NDUFA10: variants seen among roughly 807,000 people sequenced by gnomAD.
NDUFA10 encodes NADH:ubiquinone oxidoreductase subunit A10, also known as NADH dehydrogenase [ubiquinone] 1 alpha subcomplex subunit 10, mitochondrial.
In NDUFA10, 40 loss-of-function variants were observed where a neutral mutation model predicts 47.8. The observed-to-expected ratio is 0.84, with a 90% CI of 0.65 to 1.09. NDUFA10 has a LOEUF of 1.09. NDUFA10 is among the 50% of genes least tolerant of loss of function. The pLI, the probability that NDUFA10 is intolerant of heterozygous loss-of-function variation, is 0.00. For synonymous variants in NDUFA10, 183 were observed against 172.2 expected, an observed-to-expected ratio of 1.06 and a Z score of -0.49; for missense variants, 413 against 451.1, an observed-to-expected ratio of 0.92 and a Z score of 0.76.
At chr2:239,977,996 GAAAC>G (rs951782594) in intron 9 of NDUFA10, among the ~76,000 whole-genome samples, 4 of 152,102 alleles carry the variant, frequency 2.6e-5, no homozygotes, top group African/African-American at 7.2e-5. Context: ...GGGGTCCTAT[GAAAC>G]AAACAGTGAT....
At chr2:239,939,809 C>T (rs960475478) in intron 4 of NDUFA10, among the ~76,000 whole-genome samples, 2 of 152,242 alleles carry the variant, frequency 1.3e-5, no homozygotes, top group South Asian at 2.1e-4. Context: ...GCCCTGGGGA[C>T]GGTCAGAACG....
intron 9 of NDUFA10, chr2:239,969,443 T>TG (rs11275243): frequency 1.2e-5 from 4 of 330,912 alleles, no homozygotes; most frequent in Admixed American, 3.9e-5. Context: ...CTCCTGACCC[T>TG]CAGGATCTGC....
At chr2:239,900,397 T>C (rs1044664073) in intron 4 of NDUFA10, among the ~76,000 whole-genome samples, 2 of 142,252 alleles carry the variant, frequency 1.4e-5, no homozygotes, top group Non-Finnish European at 3.1e-5. Flanking sequence ...GAACCTTGAC[T>C]AATACAGGCC....
chr2:239,966,848 CTT>C (rs71045922), intron 9 of NDUFA10, among the ~76,000 whole-genome samples: 1,196 of 113,792 alleles, frequency 0.011, 14 homozygotes, highest in African/African-American at 0.038. Context: ...GCAAGGATTT[CTT>C]TTTTTTTTTT....
intron 8 of NDUFA10, among the ~76,000 whole-genome samples, chr2:240,000,550 T>A (rs1373296328): frequency 2.0e-5 from 3 of 152,214 alleles, no homozygotes; most frequent in Non-Finnish European, 2.9e-5. Flanking sequence ...AAACTTTTTA[T>A]ATAAATTTAG....
intron 4 of NDUFA10, among the ~76,000 whole-genome samples, chr2:239,917,271 G>T (rs778349035): frequency 6.6e-6 from 1 of 152,168 alleles, no homozygotes; most frequent in Non-Finnish European, 1.5e-5. Flanking sequence ...AGCAGGCAAG[G>T]CCCACACCCA....
intron 8 of NDUFA10, among the ~76,000 whole-genome samples, chr2:239,995,627 T>C (rs1321726405): frequency 6.6e-6 from 1 of 152,140 alleles, no homozygotes; most frequent in African/African-American, 2.4e-5. Flanking sequence ...ACTTCTAACA[T>C]GAATGGTCCA....
At chr2:240,001,258 TTAAAAAG>T (rs1266492771) in intron 8 of NDUFA10, among the ~76,000 whole-genome samples, 4 of 152,256 alleles carry the variant, frequency 2.6e-5, no homozygotes, top group African/African-American at 9.6e-5. Flanking sequence ...AAAATACTAC[TTAAAAAG>T]TAAAAGAAAA....
At chr2:239,967,549 C>G (rs973637039) in intron 9 of NDUFA10, among the ~76,000 whole-genome samples, 9 of 152,198 alleles carry the variant, frequency 5.9e-5, no homozygotes, top group South Asian at 2.1e-4. Context: ...AACAACAAGA[C>G]AGTAAAGCTG....
At chr2:240,020,256 G>A (rs368852920) in intron 3 of NDUFA10, among the ~76,000 whole-genome samples, 135 of 152,284 alleles carry the variant, frequency 8.9e-4, no homozygotes, top group East Asian at 8.3e-3. Flanking sequence ...GAGCTTGTGC[G>A]TGAGAAGCTC....
In NDUFA10 at chr2:239,961,014, A is replaced by C; in HGVS notation, c.*104T>G. 6.4e-7 allele frequency: 1 copy of C among 1,572,332 alleles called. No individual in the cohort carries two copies. The highest frequency in any genetic ancestry group is 8.6e-7 in the Non-Finnish European group (1 of 1,160,094). On this transcript the variant is annotated 3_prime_UTR_variant, in exon 10 of 10. Coordinates refer to ENST00000252711, the MANE Select transcript of NDUFA10 (RefSeq NM_004544.4). Reference sequence around the variant, plus strand: ...CCTTCTTCCACTGTGCAATTTTTGCATTATTTACCCTCCCCCGATCTTAAA... The same window carrying C: ...CCTTCTTCCACTGTGCAATTTTTGCCTTATTTACCCTCCCCCGATCTTAAA...
intron 9 of NDUFA10, among the ~76,000 whole-genome samples, chr2:239,977,298 C>T (rs1695568495): frequency 1.3e-5 from 2 of 152,176 alleles, no homozygotes. Context: ...GATCCGGAGC[C>T]CCATGAGCTG....
rs920826583 is a variant in NDUFA10, at chr2:240,025,335, G to C, written c.-34C>G. 4 of 1,476,826 alleles carry C rather than the reference G, an allele frequency of 2.7e-6. No homozygotes were observed. Among genetic ancestry groups the C allele is most frequent in the African/African-American group, 2.9e-5 (2 of 68,110 alleles). 91.5% of individuals were successfully genotyped at this position (1,476,826 alleles called of 1,614,324 possible). A position where few individuals can be genotyped will look rare whatever the true frequency, so the allele number is the denominator to read the frequency against. ...GGTCAGCTCAGGATCAAGGACCCAA[G>C]GGGACGCGGTCGCGACGGGGCCCTC... On this transcript the variant is annotated 5_prime_UTR_variant, in exon 1 of 10. Transcript: ENST00000252711.
intron 4 of NDUFA10, among the ~76,000 whole-genome samples, chr2:239,902,890 G>A (rs1693579076): frequency 1.3e-5 from 2 of 152,126 alleles, no homozygotes; most frequent in South Asian, 2.1e-4. Flanking sequence ...CTGCTCCCCC[G>A]AATGCAGATT....
rs8369 is a variant in NDUFA10 at position 239,960,810 on chromosome 2, G to A, written c.*308C>T. On this transcript the variant is annotated 3_prime_UTR_variant, in exon 10 of 10. Transcript: ENST00000252711. ...GTGCACAACCTGAATGACACAGAGC[G>A]GCAGCGCTGAAACCACAGGGGCTGC... 0.15 allele frequency: 194,615 copies of A among 1,296,478 alleles called. 15,525 individuals are homozygous for A. Among genetic ancestry groups the A allele is most frequent in the South Asian group, 0.16 (10,487 of 65,026 alleles). 80.3% of individuals were successfully genotyped at this position (1,296,478 alleles called of 1,614,324 possible).
In NDUFA10 at chr2:239,932,159, A is replaced by G. The variant is rs151016507; in HGVS notation, c.295-36845T>C. On this transcript the variant is annotated intron_variant, in intron 4 of 5. Transcript: ENST00000419408. ...TGCACCTCTGCTCCTTTAATCACACATGGTTCCTTTTTCATGTTTATTGAA... is the reference window on the plus strand; with the variant it reads ...TGCACCTCTGCTCCTTTAATCACACGTGGTTCCTTTTTCATGTTTATTGAA... Among the ~76,000 whole-genome samples, 1,071 of 152,200 alleles carry G rather than the reference A, an allele frequency of 7.0e-3. 13 individuals carry two copies. Among genetic ancestry groups the G allele is most frequent in the African/African-American group, 0.024 (1,010 of 41,540 alleles).
chr2:239,938,540 G>A (rs191124164), intron 4 of NDUFA10, among the ~76,000 whole-genome samples: 15 of 152,358 alleles, frequency 9.8e-5, no homozygotes, highest in South Asian at 2.1e-4. Flanking sequence ...GGATGCCCTG[G>A]GAGGCGGCTA....
At chr2:239,930,103 A>C (rs1178277727) in intron 4 of NDUFA10, among the ~76,000 whole-genome samples, 89 of 31,830 alleles carry the variant, frequency 2.8e-3, no homozygotes, top group Admixed American at 4.3e-3. Context: ...CCTGCTTCTC[A>C]ACTGCCCCTG....
intron 9 of NDUFA10, among the ~76,000 whole-genome samples, chr2:239,988,647 G>C (rs1696103910): frequency 6.6e-6 from 1 of 152,224 alleles, no homozygotes; most frequent in Admixed American, 6.5e-5. Flanking sequence ...AGCCACTTGT[G>C]AAACAGACGC....
Sources: gnomAD v4.1 joint callset for allele counts (sites outside exome capture counted in the v4.1 genomes callset) on GRCh38, gnomAD v4.1.1 for gene constraint, MANE v1.5 for transcripts, NCBI Gene and HGNC (gene_info 2026-07-23, HGNC 2026-07-21) for gene names.